The following RNPEP variants were observed in gnomAD, a reference collection of about 807,000 sequenced individuals.
RNPEP encodes the protein arginyl aminopeptidase.
A neutral mutation model predicts 70.1 loss-of-function variants in RNPEP; 57 were observed. The ratio of observed to expected loss-of-function variants is 0.81; its 90% CI spans 0.66 to 1.01. RNPEP has a LOEUF of 1.01. Among genes scored for constraint, RNPEP ranks in the 50% least tolerant of loss-of-function variants. The pLI is 0.00. For synonymous variants in RNPEP, 335 were observed against 357.4 expected (o/e 0.94, Z 0.71); for missense variants, 787 against 852.4 (o/e 0.92, Z 0.96).
rs199615936 is a variant in RNPEP at position 202,001,386 on chromosome 1, G to A, written c.1215G>A (p.Pro405=). 27 of 1,613,420 alleles carry A rather than the reference G, an allele frequency of 1.7e-5. 1 individual carries two copies. Among genetic ancestry groups the A allele is most frequent in the Admixed American group, 1.5e-4 (9 of 60,006 alleles). The part of the protein sequence containing the change: ...LRVKIEPGVD[P]DDTYNETPYE... ...TTTCTCCTCTGCCAGGCGTTGACCC[G>A]GACGACACCTATAATGAGACCCCCT... Residue 405 remains proline, a synonymous_variant, in exon 7 of 11, where the codon CCG becomes CCA. Transcript: ENST00000295640.
intron 3 of RNPEP, among the ~76,000 whole-genome samples, chr1:201,992,956 T>C (rs1276460731): frequency 1.3e-5 from 2 of 152,212 alleles, no homozygotes; most frequent in Admixed American, 1.3e-4. Flanking sequence ...TATTTACCTT[T>C]CCATCTCACT....
At chr1:201,984,827 T>TC (rs71141433) in intron 1 of RNPEP, among the ~76,000 whole-genome samples, 2,559 of 14,086 alleles carry the variant, frequency 0.18, 169 homozygotes, top group African/African-American at 0.28. Context: ...CTTTCTTTTT[T>TC]TTTTTTTTTT....
chr1:201,985,141 T>C (rs904107732), intron 1 of RNPEP, among the ~76,000 whole-genome samples: 15 of 150,498 alleles, frequency 1.0e-4, no homozygotes, highest in Non-Finnish European at 2.2e-4. Flanking sequence ...TGCAGTGAGC[T>C]GAGATCATGC....
intron 3 of RNPEP, among the ~76,000 whole-genome samples, chr1:201,993,596 CAAAA>C (rs528351091): frequency 3.1e-5 from 4 of 128,422 alleles, no homozygotes; most frequent in Non-Finnish European, 4.9e-5. Flanking sequence ...GACTCCACCT[CAAAA>C]AAAAGCCAAA....
chr1:201,995,276 A>G (rs1246454698), intron 3 of RNPEP, among the ~76,000 whole-genome samples: 1 of 152,184 alleles, frequency 6.6e-6, no homozygotes, highest in Non-Finnish European at 1.5e-5. Context: ...TATTTTTGCT[A>G]GACCATTTAA....
At chr1:201,992,969 CT>C (rs1490859542) in intron 3 of RNPEP, among the ~76,000 whole-genome samples, 2 of 152,202 alleles carry the variant, frequency 1.3e-5, no homozygotes, top group Non-Finnish European at 1.5e-5. Context: ...ATCTCACTCC[CT>C]TTAAGCTGTT....
chr1:201,993,798 C>G (rs150108889), intron 3 of RNPEP, among the ~76,000 whole-genome samples: 5 of 152,142 alleles, frequency 3.3e-5, no homozygotes, highest in Non-Finnish European at 7.4e-5. Context: ...ACAAACAACT[C>G]AAAAAACCCT....
At chr1:202,003,188 C>G (rs756587423) in intron 8 of RNPEP, 49 bp from the exon 9 acceptor site, 2 of 1,462,594 alleles carry the variant, frequency 1.4e-6, no homozygotes, top group South Asian at 2.4e-5. Context: ...ACCAGTTGAC[C>G]GTAACCTGGC....
chr1:201,994,770 G>A (rs1006267154), intron 3 of RNPEP, among the ~76,000 whole-genome samples: 3 of 148,874 alleles, frequency 2.0e-5, no homozygotes, highest in South Asian at 2.1e-4. Flanking sequence ...AGGTTCAAGC[G>A]ATTCTCCTGC....
At chr1:201,983,844 C>G in intron 1 of RNPEP, 1 of 1,031,600 alleles carries the variant, frequency 9.7e-7, no homozygotes, top group Non-Finnish European at 1.2e-6. Context: ...GAAAATCCTT[C>G]CTGGAGAGTC....
At chr1:202,003,516 C>A in intron 9 of RNPEP, 55 bp downstream of exon 9, 1 of 1,290,276 alleles carries the variant, frequency 7.8e-7, no homozygotes, top group Non-Finnish European at 1.1e-6. Flanking sequence ...ATGTCAGGGG[C>A]TAGAGGGAGG....
At chr1:201,984,831 T>TTCTTTTTTC (rs1558258034) in intron 1 of RNPEP, among the ~76,000 whole-genome samples, 2 of 13,548 alleles carry the variant, frequency 1.5e-4, no homozygotes, top group Non-Finnish European at 2.0e-4. Flanking sequence ...CTTTTTTTTT[T>TTCTTTTTTC]TTTTTTTTTT....
intron 3 of RNPEP, among the ~76,000 whole-genome samples, chr1:201,992,505 C>T (rs1005800561): frequency 6.6e-6 from 1 of 152,092 alleles, no homozygotes; most frequent in Non-Finnish European, 1.5e-5. Context: ...ACTCTGCTAA[C>T]CTTCCAGCTC....
chr1:201,992,423 A>G (rs1308475471), intron 3 of RNPEP, among the ~76,000 whole-genome samples: 1 of 152,154 alleles, frequency 6.6e-6, no homozygotes, highest in Non-Finnish European at 1.5e-5. Flanking sequence ...GAGCCTAGAC[A>G]TCGTCATTGT....
chr1:201,983,095 C>T lies in RNPEP; in HGVS notation c.429C>T (p.Arg143=). The T allele has an allele frequency of 6.6e-7, 1 of 1,504,144 alleles. No homozygotes were observed. The highest frequency in any genetic ancestry group is 1.3e-5 in the South Asian group (1 of 77,762). 93.2% of individuals were successfully genotyped at this position (1,504,144 alleles called of 1,614,324 possible). A position where few individuals can be genotyped will look rare whatever the true frequency, so the allele number is the denominator to read the frequency against. Residue 143 remains arginine (R), a synonymous_variant, in exon 1 of 11, where the codon CGC becomes CGT. Transcript: ENST00000295640. ...GCCTCCAGGTGCTGCTCACCTACCG[C>T]GTCGGGGAGGGACCCGGGGTGAGTG... is the stretch of plus-strand genomic sequence containing the variant. ...AERLQVLLTY[R]VGEGPGVCWL... is the part of the protein sequence containing the mutation.
In RNPEP at chr1:202,001,664, T is replaced by C. The variant is rs544887005; in HGVS notation, c.1323T>C (p.Tyr441=). The C allele has an allele frequency of 1.2e-6, 2 of 1,611,686 alleles. No individual in the cohort carries two copies. The highest frequency in any genetic ancestry group is 1.7e-5 in the Admixed American group (1 of 60,016). ...AGAGCTTTCCCTCCTCACAGGCCTA[T>C]GTGCATGAATTCAAATTCCGAAGCA... ...QDQFDSFLKA[Y]VHEFKFRSIL... is the part of the protein sequence containing the mutation. Residue 441 remains tyrosine (Y), a synonymous_variant, in exon 8 of 11, where the codon TAT becomes TAC. Transcript: ENST00000295640.
chr1:202,005,517 C>G (rs1387367679), intron 10 of RNPEP, 41 bp from the exon 11 acceptor site: 3 of 1,606,874 alleles, frequency 1.9e-6, no homozygotes, highest in Non-Finnish European at 2.6e-6. Flanking sequence ...ACAGATCCAC[C>G]AGGCAAGCTT....
At chr1:201,988,170 G>A (rs1683198317) in intron 1 of RNPEP, among the ~76,000 whole-genome samples, 1 of 144,866 alleles carries the variant, frequency 6.9e-6, no homozygotes, top group South Asian at 2.3e-4. Context: ...AAAAGAGAAT[G>A]TATATTAGGC....
In RNPEP at chr1:201,999,954, G is replaced by T; in HGVS notation, c.1143G>T (p.Gln381His). 2.5e-6 allele frequency: 4 copies of T among 1,613,358 alleles called. No homozygotes were observed. The highest frequency in any genetic ancestry group is 3.4e-6 in the Non-Finnish European group (4 of 1,179,720). The change falls in exon 6 of 11, where the codon CAG (glutamine) becomes CAT (histidine). Residue 381 changes from glutamine to histidine, a missense_variant. Coordinates refer to ENST00000295640, the MANE Select transcript of RNPEP (RefSeq NM_020216.4). ...CAACGGGGCGGGCTCTGCTGCGTCAGCACATGGACATCACTGGAGAGGAAA... is the reference window on the plus strand; with the variant it reads ...CAACGGGGCGGGCTCTGCTGCGTCATCACATGGACATCACTGGAGAGGAAA... ...EAATGRALLR[Q>H]HMDITGEENP...
Sources: gnomAD v4.1 joint callset for allele counts (sites outside exome capture counted in the v4.1 genomes callset) on GRCh38, gnomAD v4.1.1 for gene constraint, MANE v1.5 for transcripts, NCBI Gene and HGNC (gene_info 2026-07-23, HGNC 2026-07-21) for gene names.